NALCN: variants seen among roughly 807,000 people sequenced by gnomAD.
NALCN encodes sodium leak channel, non-selective.
In NALCN, 111 loss-of-function variants were observed where a neutral mutation model predicts 225.3. That is an observed-to-expected ratio of 0.49 (90% confidence interval 0.42 to 0.58). NALCN has a LOEUF of 0.58. NALCN is among the 20% of genes least tolerant of loss of function. NALCN has a pLI of 0.00. For missense variants in NALCN, 1,378 were observed against 2,202.4 expected, an observed-to-expected ratio of 0.63 and a Z score of 7.49; for synonymous variants, 764 against 769.0, an observed-to-expected ratio of 0.99 and a Z score of 0.11.
chr13:101,215,070 T>C (rs1306210101), intron 13 of NALCN, among the ~76,000 whole-genome samples: 2 of 152,130 alleles, frequency 1.3e-5, no homozygotes, highest in African/African-American at 4.8e-5. Flanking sequence ...AATGAAGAGC[T>C]AAGTGTTTCA....
intron 19 of NALCN, 46 bp downstream of exon 19, chr13:101,111,079 C>G (rs371574401): frequency 2.0e-4 from 320 of 1,565,874 alleles, no homozygotes; most frequent in Non-Finnish European, 2.6e-4. Flanking sequence ...CCTGTAAAAC[C>G]CCCCTTTTTT....
At chr13:101,072,869 C>T (rs1023937836) in intron 37 of NALCN, among the ~76,000 whole-genome samples, 8 of 152,134 alleles carry the variant, frequency 5.3e-5, no homozygotes, top group African/African-American at 1.9e-4. Flanking sequence ...GCTCCATAAC[C>T]ACATATGGCT....
At chr13:101,177,172 A>T (rs545126395) in intron 14 of NALCN, among the ~76,000 whole-genome samples, 1 of 152,054 alleles carries the variant, frequency 6.6e-6, no homozygotes, top group African/African-American at 2.4e-5. Flanking sequence ...CCCTAGTAAA[A>T]CTTCAAGGTG....
chr13:101,325,631 GC>G (rs1227476025), intron 7 of NALCN, among the ~76,000 whole-genome samples: 1 of 152,098 alleles, frequency 6.6e-6, no homozygotes, highest in Non-Finnish European at 1.5e-5. Flanking sequence ...CATCATCCAG[GC>G]TAGTGCTAGC....
intron 18 of NALCN, among the ~76,000 whole-genome samples, chr13:101,121,855 T>C (rs9557591): frequency 0.19 from 28,777 of 151,902 alleles, 2,904 homozygotes; most frequent in East Asian, 0.39. Context: ...CTAGAGGCAG[T>C]AAAAAGACAC....
intron 17 of NALCN, among the ~76,000 whole-genome samples, chr13:101,137,098 T>C (rs2036837575): frequency 6.6e-6 from 1 of 152,226 alleles, no homozygotes. Flanking sequence ...TCCATTATTG[T>C]GACTAAATTG....
intron 42 of NALCN, chr13:101,059,220 A>T (rs1325893987): frequency 6.6e-6 from 1 of 152,344 alleles, no homozygotes; most frequent in Non-Finnish European, 1.5e-5. Flanking sequence ...GTACTTTTTT[A>T]TATAGACACA....
At chr13:101,249,201 G>A (rs1006346571) in intron 11 of NALCN, among the ~76,000 whole-genome samples, 1 of 152,174 alleles carries the variant, frequency 6.6e-6, no homozygotes, top group African/African-American at 2.4e-5. Context: ...GTGGAAATGT[G>A]AGACATTAGT....
At chr13:101,407,467 A>T (rs1040960826) in intron 1 of NALCN, among the ~76,000 whole-genome samples, 1 of 152,242 alleles carries the variant, frequency 6.6e-6, no homozygotes, top group Non-Finnish European at 1.5e-5. Flanking sequence ...CTCAGGGTAG[A>T]ATGAAAGTCC....
intron 2 of NALCN, among the ~76,000 whole-genome samples, chr13:101,397,475 C>T (rs951835225): frequency 6.6e-6 from 1 of 150,516 alleles, no homozygotes; most frequent in Non-Finnish European, 1.5e-5. Context: ...ATTATACATA[C>T]ATATAATATA....
intron 3 of NALCN, among the ~76,000 whole-genome samples, chr13:101,393,148 A>G (rs1392224217): frequency 1.3e-5 from 2 of 152,198 alleles, no homozygotes; most frequent in African/African-American, 2.4e-5. Flanking sequence ...TCTAACACAC[A>G]CAGAGTGGCC....
chr13:101,395,549 T>A (rs1411506244), intron 2 of NALCN, among the ~76,000 whole-genome samples, 184 bp from the exon 3 acceptor site: 1 of 152,200 alleles, frequency 6.6e-6, no homozygotes, highest in Non-Finnish European at 1.5e-5. Flanking sequence ...CGTTTTTATA[T>A]CATTTAATTC....
intron 11 of NALCN, 92 bp downstream of exon 11, chr13:101,258,351 C>T: frequency 6.6e-7 from 1 of 1,512,406 alleles, no homozygotes; most frequent in Admixed American, 1.9e-5. Flanking sequence ...AAGTAATGAA[C>T]AGGCTACACT....
At chr13:101,345,597 C>T (rs537542654) in intron 6 of NALCN, among the ~76,000 whole-genome samples, 177 bp from the exon 7 acceptor site, 99 of 151,218 alleles carry the variant, frequency 6.5e-4, no homozygotes, top group Non-Finnish European at 1.3e-3. Flanking sequence ...CCCAGGGGTT[C>T]GAGGTTGCAG....
At chr13:101,056,205 G>T (rs529026887) in intron 43 of NALCN, among the ~76,000 whole-genome samples, 2 of 134,480 alleles carry the variant, frequency 1.5e-5, no homozygotes, top group African/African-American at 5.7e-5. Context: ...CACGATCACC[G>T]TTTTTGGTGG....
chr13:101,100,826 A>T lies in NALCN; in HGVS notation c.3120T>A (p.Ala1040=). 1 of 1,611,934 alleles carries T rather than the reference A, an allele frequency of 6.2e-7. No individual in the cohort carries two copies. Among genetic ancestry groups the T allele is most frequent in the Non-Finnish European group, 8.5e-7 (1 of 1,178,904 alleles). Residue 1040 remains alanine (A), a synonymous_variant, in exon 27 of 44, where the codon GCT becomes GCA. Coordinates refer to ENST00000251127, the MANE Select transcript of NALCN (RefSeq NM_052867.4). ...GATCATTGCACTTGGCCAGTTTTCC[A>T]GCAAAAAGCTGAACTCCAAAGCTTG... The part of the protein sequence containing the change: ...VFASFGVQLF[A]GKLAKCNDPN...
intron 1 of NALCN, among the ~76,000 whole-genome samples, 182 bp from the exon 2 acceptor site, chr13:101,399,347 A>AT (rs1210033595): frequency 6.6e-6 from 1 of 152,162 alleles, no homozygotes; most frequent in African/African-American, 2.4e-5. Flanking sequence ...CAGAAGCTTG[A>AT]TTTTTTTCTC....
chr13:101,414,887 T>C (rs1378177625), intron 1 of NALCN, among the ~76,000 whole-genome samples: 2 of 152,130 alleles, frequency 1.3e-5, no homozygotes, highest in Non-Finnish European at 2.9e-5. Context: ...TTTCACTTTT[T>C]AAGTTTTTCT....
In NALCN at chr13:101,107,759, G is replaced by C; in HGVS notation, c.2395C>G (p.Gln799Glu). The C allele has an allele frequency of 6.2e-7, 1 of 1,613,380 alleles. No individual in the cohort carries two copies. The highest frequency in any genetic ancestry group is 8.5e-7 in the Non-Finnish European group (1 of 1,179,798). The change falls in exon 21 of 44, where the codon CAA becomes GAA. Residue 799 changes from glutamine (Q) to glutamate (E), a missense_variant. This residue lies in a region of NALCN where 66 missense variants were observed against 85.7 expected (regional missense o/e 0.77). Coordinates refer to ENST00000251127, the MANE Select transcript of NALCN (RefSeq NM_052867.4). The part of the protein sequence containing the change: ...HSNTVRYRNA[Q>E]REDSEIKMIQ... ...ATCTTTATTTCACTGTCTTCTCTTT[G>C]TGCATTTCTATATCTCACTGTATTG...
Sources: gnomAD v4.1 joint callset for allele counts (sites outside exome capture counted in the v4.1 genomes callset) on GRCh38, gnomAD v4.1.1 for gene constraint, gnomAD v4.1.1 regional missense constraint, MANE v1.5 for transcripts, NCBI Gene and HGNC (gene_info 2026-07-23, HGNC 2026-07-21) for gene names.